IGSF11: variants seen among roughly 807,000 people sequenced by gnomAD.
The protein encoded by IGSF11 is CXADR like 1.
A neutral mutation model predicts 41.0 loss-of-function variants in IGSF11; 22 were observed. The observed-to-expected ratio is 0.54, with a 90% confidence interval of 0.38 to 0.77. IGSF11 has a LOEUF of 0.77. Among genes scored for constraint, IGSF11 ranks in the 30% least tolerant of loss-of-function variants. IGSF11 has a pLI of 0.00. For synonymous variants in IGSF11, 219 were observed against 201.3 expected, an observed-to-expected ratio of 1.09 and a Z score of -0.74; for missense variants, 444 against 530.8, an observed-to-expected ratio of 0.84 and a Z score of 1.61.
intron 1 of IGSF11, among the ~76,000 whole-genome samples, chr3:118,999,688 A>G (rs958222235): frequency 1.3e-5 from 2 of 152,236 alleles, no homozygotes; most frequent in Non-Finnish European, 2.9e-5. Context: ...TCATAATGCT[A>G]TATTAAATCA....
intron 1 of IGSF11, among the ~76,000 whole-genome samples, chr3:119,000,919 G>C (rs1936757982): frequency 1.3e-5 from 2 of 152,164 alleles, no homozygotes; most frequent in African/African-American, 4.8e-5. Flanking sequence ...CAAAGTAAAA[G>C]CCAAAATCCT....
At chr3:119,026,851 T>C (rs1289634554) in intron 1 of IGSF11, among the ~76,000 whole-genome samples, 6 of 152,198 alleles carry the variant, frequency 3.9e-5, no homozygotes, top group African/African-American at 1.4e-4. Context: ...AGACTATGGT[T>C]ATTCAAACTT....
intron 1 of IGSF11, among the ~76,000 whole-genome samples, chr3:118,994,317 T>C (rs1007483153): frequency 2.0e-5 from 3 of 152,142 alleles, no homozygotes; most frequent in Non-Finnish European, 4.4e-5. Context: ...AAACATTGAT[T>C]GAGGCCCATA....
At chr3:118,985,567 G>C (rs1935172343) in intron 1 of IGSF11, among the ~76,000 whole-genome samples, 1 of 152,134 alleles carries the variant, frequency 6.6e-6, no homozygotes, top group Non-Finnish European at 1.5e-5. Flanking sequence ...AATTCAATTT[G>C]TCTGAAACTG....
intron 4 of IGSF11, among the ~76,000 whole-genome samples, chr3:118,925,340 C>T (rs961439088): frequency 1.3e-5 from 2 of 152,140 alleles, no homozygotes; most frequent in Non-Finnish European, 2.9e-5. Flanking sequence ...TAACTGCCAA[C>T]ACTTTATGGT....
At chr3:118,917,092 G>A (rs1194794572) in intron 4 of IGSF11, among the ~76,000 whole-genome samples, 1 of 151,938 alleles carries the variant, frequency 6.6e-6, no homozygotes, top group African/African-American at 2.4e-5. Context: ...AGAATCTCTG[G>A]GACGCATTCA....
chr3:118,980,277 C>T lies in IGSF11; in HGVS notation c.53-50002G>A, dbSNP rs553744400. Among the ~76,000 whole-genome samples the T allele has an allele frequency of 5.3e-5, 8 of 152,148 alleles. No individual in the cohort carries two copies. In the South Asian group the frequency reaches 1.2e-3, roughly 24 times the overall value. ...AGCAAAGATATGGAATCAACCTAAG[C>T]GTACATCAACAGATGATGAATAAAG... On this transcript the variant is annotated intron_variant, in intron 1 of 6. Transcript: ENST00000393775.
chr3:119,072,530 G>A (rs1194691988), intron 1 of IGSF11, among the ~76,000 whole-genome samples: 1 of 152,198 alleles, frequency 6.6e-6, no homozygotes, highest in Non-Finnish European at 1.5e-5. Flanking sequence ...TCCTTCTGAT[G>A]TTCGGACGTG....
intron 1 of IGSF11, among the ~76,000 whole-genome samples, chr3:119,057,454 T>C (rs942620696): frequency 6.6e-6 from 1 of 152,118 alleles, no homozygotes; most frequent in African/African-American, 2.4e-5. Flanking sequence ...TACAAACCAC[T>C]GCTCAATGAA....
At chr3:118,923,786 G>A (rs1015029788) in intron 4 of IGSF11, among the ~76,000 whole-genome samples, 1 of 152,114 alleles carries the variant, frequency 6.6e-6, no homozygotes, top group Non-Finnish European at 1.5e-5. Flanking sequence ...ATGAGATTTA[G>A]GTTATGTGTT....
intron 1 of IGSF11, among the ~76,000 whole-genome samples, chr3:119,099,649 G>T (rs2076910808): frequency 6.6e-6 from 1 of 152,204 alleles, no homozygotes; most frequent in South Asian, 2.1e-4. Flanking sequence ...TATAGCTGCA[G>T]TGGCAAGTGT....
intron 1 of IGSF11, among the ~76,000 whole-genome samples, chr3:118,941,180 C>T (rs1576431283): frequency 6.6e-6 from 1 of 151,964 alleles, no homozygotes; most frequent in East Asian, 1.9e-4. Flanking sequence ...CTTCAAAAGA[C>T]ACTATTAAGA....
chr3:119,059,376 C>T (rs115085770), intron 1 of IGSF11, among the ~76,000 whole-genome samples: 12 of 152,000 alleles, frequency 7.9e-5, no homozygotes, highest in Non-Finnish European at 1.2e-4. Context: ...GACACAAAGG[C>T]GTAAGAATGA....
chr3:119,008,175 AC>A (rs767472844), intron 1 of IGSF11, among the ~76,000 whole-genome samples: 12 of 152,072 alleles, frequency 7.9e-5, no homozygotes, highest in Non-Finnish European at 1.6e-4. Context: ...AACAACAACA[AC>A]AAAAAAAACG....
intron 1 of IGSF11, among the ~76,000 whole-genome samples, chr3:119,114,253 TG>T (rs2077225956): frequency 6.6e-6 from 1 of 152,246 alleles, no homozygotes; most frequent in African/African-American, 2.4e-5. Context: ...CCCCAGAAAA[TG>T]GGTTTTTCCT....
chr3:119,066,659 A>G lies in IGSF11; in HGVS notation c.49+38485T>C, dbSNP rs142461638. ...CACCATGACAGTCAGCAAACACTGC[A>G]AATTGATACTTTATTTTTCCCAGAG... On this transcript the variant is annotated intron_variant, in intron 1 of 6. Transcript: ENST00000354673. 2.6e-3 allele frequency among the ~76,000 whole-genome samples: 400 copies of G among 152,320 alleles called. 1 individual carries two copies. The highest frequency in any genetic ancestry group is 7.7e-3 in the Admixed American group (118 of 15,298).
chr3:118,997,735 T>A (rs1433705348), intron 1 of IGSF11, among the ~76,000 whole-genome samples: 2 of 152,144 alleles, frequency 1.3e-5, no homozygotes, highest in African/African-American at 4.8e-5. Context: ...ATGCAAAAGT[T>A]ACCTTCATTC....
chr3:118,950,957 G>T (rs62275721), intron 1 of IGSF11, among the ~76,000 whole-genome samples: 12,236 of 152,172 alleles, frequency 0.08, 601 homozygotes, highest in Middle Eastern at 0.11. Flanking sequence ...GCTGGCTCTG[G>T]CTTGGTGATT....
intron 3 of IGSF11, among the ~76,000 whole-genome samples, chr3:118,928,142 C>T (rs1041093903): frequency 6.6e-6 from 1 of 152,178 alleles, no homozygotes; most frequent in African/African-American, 2.4e-5. Context: ...TATTCTCACA[C>T]ATGCTAAAAC....
Sources: gnomAD v4.1 joint callset for allele counts (sites outside exome capture counted in the v4.1 genomes callset) on GRCh38, gnomAD v4.1.1 for gene constraint, MANE v1.5 for transcripts, NCBI Gene and HGNC (gene_info 2026-07-23, HGNC 2026-07-21) for gene names.